The following ESRRG variants were observed in gnomAD, a reference collection of about 807,000 sequenced individuals.
ESRRG encodes estrogen-related receptor gamma.
ESRRG carries 13 observed loss-of-function variants against 44.0 expected under a neutral mutation model. The observed-to-expected ratio is 0.30, with a 90% CI of 0.19 to 0.47. The LOEUF (loss-of-function observed/expected upper bound fraction) is 0.47. Ranked by LOEUF, ESRRG falls within the 20% of genes least tolerant of loss-of-function variation. The pLI is 1.00. For missense variants in ESRRG, 395 were observed against 580.6 expected, an observed-to-expected ratio of 0.68 and a Z score of 3.29; for synonymous variants, 215 against 214.6, an observed-to-expected ratio of 1.00 and a Z score of -0.02.
chr1:217,007,818 G>A (rs1009620778), intron 1 of ESRRG, among the ~76,000 whole-genome samples: 1 of 151,914 alleles, frequency 6.6e-6, no homozygotes, highest in Non-Finnish European at 1.5e-5. Context: ...TGTTCTAGGT[G>A]CTAGACAGTC....
chr1:216,762,619 T>C (rs2092850359), intron 2 of ESRRG, among the ~76,000 whole-genome samples: 1 of 151,856 alleles, frequency 6.6e-6, no homozygotes, highest in South Asian at 2.1e-4. Context: ...GAGGAGTTAG[T>C]GGGTGCAGCA....
chr1:216,968,001 T>A (rs574632220), intron 1 of ESRRG, among the ~76,000 whole-genome samples: 9 of 152,332 alleles, frequency 5.9e-5, no homozygotes, highest in Admixed American at 4.6e-4. Context: ...CATCATATGA[T>A]GTTGATTGTC....
At chr1:216,537,478 G>A (rs905194954) in intron 5 of ESRRG, among the ~76,000 whole-genome samples, 6 of 152,096 alleles carry the variant, frequency 3.9e-5, no homozygotes, top group Non-Finnish European at 7.4e-5. Flanking sequence ...TACCAAAGAA[G>A]GAGCCTTCTT....
intron 2 of ESRRG, among the ~76,000 whole-genome samples, chr1:216,873,861 G>A (rs904654060): frequency 2.2e-5 from 3 of 137,000 alleles, no homozygotes; most frequent in Non-Finnish European, 3.1e-5. Flanking sequence ...AAAAAGAAGA[G>A]ACGGACAGGA....
At chr1:216,974,194 CT>C (rs2072373284) in intron 1 of ESRRG, among the ~76,000 whole-genome samples, 1 of 152,084 alleles carries the variant, frequency 6.6e-6, no homozygotes, top group Non-Finnish European at 1.5e-5. Context: ...GTTAAAAGTA[CT>C]TTATTGTATA....
chr1:216,678,482 T>C (rs1169225332), intron 1 of ESRRG, among the ~76,000 whole-genome samples: 1 of 152,184 alleles, frequency 6.6e-6, no homozygotes, highest in African/African-American at 2.4e-5. Flanking sequence ...CCCACTTCTT[T>C]TTGCCATTTA....
intron 2 of ESRRG, among the ~76,000 whole-genome samples, chr1:216,729,486 A>C (rs371993875): frequency 2.6e-5 from 4 of 152,218 alleles, no homozygotes; most frequent in African/African-American, 7.2e-5. Flanking sequence ...GAGATACTGG[A>C]TACAGAAAAG....
At position 216,775,551 on chromosome 1, in the gene ESRRG, C is replaced by CT. The variant is rs71163765; in HGVS notation, c.-13-98061dup. On this transcript the variant is annotated intron_variant, in intron 2 of 7. Coordinates refer to the ESRRG transcript ENST00000359162. ...TTCCCACCTAAATAAAATGTCACAT[C>CT]TTTTTTTTTTTTTTTTTTTTTTTTT... 7.2e-4 allele frequency among the ~76,000 whole-genome samples: 54 copies of CT among 74,832 alleles called. 5 individuals carry two copies. Among genetic ancestry groups the CT allele is most frequent in the Non-Finnish European group, 9.9e-4 (35 of 35,278 alleles). The allele number at this position is 74,832 out of a possible 152,430, so 49.1% of individuals were successfully genotyped here. A position where few individuals can be genotyped will look rare whatever the true frequency, so the allele number is the denominator to read the frequency against.
chr1:216,569,081 AAAGGAAGGAAGG>A (rs56064287), intron 3 of ESRRG, among the ~76,000 whole-genome samples: 1 of 98,140 alleles, frequency 1.0e-5, no homozygotes, highest in Non-Finnish European at 2.0e-5. Context: ...AGACAGAGAG[AAAGGAAGGAAGG>A]AAGGAAGGAA....
intron 3 of ESRRG, among the ~76,000 whole-genome samples, chr1:216,636,247 T>A (rs1296830543): frequency 6.6e-6 from 1 of 152,222 alleles, no homozygotes; most frequent in Non-Finnish European, 1.5e-5. Context: ...ATTTTTCAAC[T>A]GTATTTAACC....
At chr1:216,612,280 C>G (rs1210593198) in intron 3 of ESRRG, among the ~76,000 whole-genome samples, 2 of 151,678 alleles carry the variant, frequency 1.3e-5, no homozygotes, top group Non-Finnish European at 2.9e-5. Flanking sequence ...CAGGATGTGT[C>G]TAATGGTAGC....
At chr1:216,565,581 G>A (rs2059545465) in intron 4 of ESRRG, among the ~76,000 whole-genome samples, 1 of 151,952 alleles carries the variant, frequency 6.6e-6, no homozygotes, top group African/African-American at 2.4e-5. Context: ...GAAAGAATGT[G>A]GCTTGTCCAA....
In ESRRG at chr1:216,506,335, T is replaced by A; in HGVS notation, c.*604A>T. 1 of 281,488 alleles carries A rather than the reference T, an allele frequency of 3.6e-6. No individual in the cohort carries two copies. The allele number at this position is 281,488 out of a possible 1,614,324, so 17.4% of individuals were successfully genotyped here. ...CACAATAAGTTCACTGGCATCCATA[T>A]TATGGATCTCCATCCTTTGGCAGGG... On this transcript the variant is annotated 3_prime_UTR_variant, in exon 7 of 7. Transcript: ENST00000408911.
intron 3 of ESRRG, among the ~76,000 whole-genome samples, chr1:216,605,875 T>TA (rs34585572): frequency 0.021 from 2,965 of 144,446 alleles, 34 homozygotes; most frequent in African/African-American, 0.022. Flanking sequence ...GAGCTTAAAT[T>TA]AAAAAAAAAA....
At chr1:217,065,642 T>G (rs932387691) in intron 1 of ESRRG, among the ~76,000 whole-genome samples, 8 of 152,224 alleles carry the variant, frequency 5.3e-5, no homozygotes, top group African/African-American at 1.9e-4. Flanking sequence ...CACTGGATAC[T>G]GTCTGCCATT....
intron 2 of ESRRG, among the ~76,000 whole-genome samples, chr1:216,847,135 G>C (rs2095763829): frequency 6.6e-6 from 1 of 151,994 alleles, no homozygotes; most frequent in Non-Finnish European, 1.5e-5. Flanking sequence ...CCACAAAGGA[G>C]AGTTGACAGT....
At chr1:216,569,589 T>C (rs2060410581) in intron 3 of ESRRG, among the ~76,000 whole-genome samples, 1 of 152,304 alleles carries the variant, frequency 6.6e-6, no homozygotes, top group South Asian at 2.1e-4. Context: ...ACTATAATTG[T>C]AAAGTTTAGC....
At chr1:216,826,851 G>A (rs891842262) in intron 2 of ESRRG, among the ~76,000 whole-genome samples, 3 of 152,098 alleles carry the variant, frequency 2.0e-5, no homozygotes, top group African/African-American at 4.8e-5. Flanking sequence ...ACACACTTTG[G>A]TTATAGAAGG....
chr1:217,058,484 A>G (rs1371006293), intron 1 of ESRRG, among the ~76,000 whole-genome samples: 2 of 152,290 alleles, frequency 1.3e-5, no homozygotes, highest in East Asian at 3.9e-4. Flanking sequence ...AATATTAAGT[A>G]TATAGTTACT....
Sources: allele counts gnomAD v4.1 joint callset (sites outside exome capture counted in the v4.1 genomes callset), GRCh38; gene constraint gnomAD v4.1.1; transcripts MANE v1.5; gene names NCBI Gene and HGNC (gene_info 2026-07-23, HGNC 2026-07-21).